Variants in VRK2 observed in about 807,000 individuals in gnomAD.
VRK2 encodes serine/threonine-protein kinase VRK2.
VRK2 carries 60 observed loss-of-function variants against 57.6 expected under a neutral mutation model. The observed-to-expected ratio is 1.04, with a 90% confidence interval of 0.85 to 1.29. The LOEUF (loss-of-function observed/expected upper bound fraction) is 1.29. Among genes scored for constraint, VRK2 ranks in the 50% most tolerant of loss-of-function variants. VRK2 has a pLI of 0.00. For missense variants in VRK2, 705 were observed against 588.1 expected, an observed-to-expected ratio of 1.20 and a Z score of -2.06; for synonymous variants, 231 against 199.2, an observed-to-expected ratio of 1.16 and a Z score of -1.35.
intron 3 of VRK2, among the ~76,000 whole-genome samples, chr2:58,039,158 C>G (rs995042342): frequency 2.0e-5 from 3 of 152,048 alleles, no homozygotes; most frequent in African/African-American, 7.2e-5. Flanking sequence ...TATTATACAA[C>G]CTACATCATC....
chr2:57,925,919 T>C (rs544821561), intron 1 of VRK2, among the ~76,000 whole-genome samples: 2 of 152,112 alleles, frequency 1.3e-5, no homozygotes, highest in African/African-American at 4.8e-5. Flanking sequence ...AATTTTGGTA[T>C]GTTCTGTTTC....
At chr2:58,059,939 G>C (rs1045030044) in intron 2 of VRK2, among the ~76,000 whole-genome samples, 4 of 151,728 alleles carry the variant, frequency 2.6e-5, no homozygotes, top group African/African-American at 9.7e-5. Flanking sequence ...TCAAATTCTG[G>C]AGAATGTAAA....
chr2:58,011,932 A>G (rs943738165), intron 1 of VRK2, among the ~76,000 whole-genome samples: 1 of 152,174 alleles, frequency 6.6e-6, no homozygotes, highest in African/African-American at 2.4e-5. Context: ...TAACTCTAGG[A>G]TAGCATCAGA....
chr2:57,989,692 C>G (rs1399889925), intron 1 of VRK2, among the ~76,000 whole-genome samples: 1 of 152,056 alleles, frequency 6.6e-6, no homozygotes, highest in Non-Finnish European at 1.5e-5. Flanking sequence ...GAAAGATAAG[C>G]TGAGATGTAT....
At position 58,089,655 on chromosome 2, in the gene VRK2, GA is replaced by G; in HGVS notation, c.479del (p.Asn160MetfsTer8). 1 of 1,604,738 alleles carries G rather than the reference GA, an allele frequency of 6.2e-7. No individual in the cohort carries two copies. The highest frequency in any genetic ancestry group is 8.5e-7 in the Non-Finnish European group (1 of 1,174,658). On this transcript the variant is annotated frameshift_variant, in exon 7 of 13. Transcript: ENST00000340157. LOFTEE classifies it high-confidence loss of function. ...RMLDVLEYIH[E>X]NEYVHGDIKA... ...GTTGGATGTACTGGAATATATACAT[GA>G]AAATGAATATGTTCATGGTGATATA...
intron 2 of VRK2, among the ~76,000 whole-genome samples, chr2:58,070,662 T>G (rs1669247221): frequency 2.0e-5 from 3 of 152,210 alleles, no homozygotes; most frequent in African/African-American, 7.2e-5. Flanking sequence ...AGCACATTTC[T>G]TTTTATGGCT....
chr2:58,037,464 A>C (rs1412682027), intron 3 of VRK2, among the ~76,000 whole-genome samples: 2 of 152,104 alleles, frequency 1.3e-5, no homozygotes, highest in Admixed American at 1.3e-4. Flanking sequence ...TGAGGGGTGC[A>C]GAAGTAGGTT....
chr2:57,912,617 G>A (rs1190590221), intron 1 of VRK2, among the ~76,000 whole-genome samples: 2 of 152,158 alleles, frequency 1.3e-5, no homozygotes, highest in African/African-American at 4.8e-5. Flanking sequence ...TTTGTATAAA[G>A]AGTTTCTTAT....
At chr2:58,002,251 C>T (rs534752747) in intron 1 of VRK2, among the ~76,000 whole-genome samples, 5 of 152,232 alleles carry the variant, frequency 3.3e-5, no homozygotes, top group East Asian at 3.9e-4. Flanking sequence ...GAGGCTGTGG[C>T]GGATCACCCG....
intron 1 of VRK2, chr2:58,017,870 G>C (rs976855399): frequency 6.6e-6 from 1 of 152,132 alleles, no homozygotes; most frequent in Non-Finnish European, 1.5e-5. Context: ...CAGATCACAT[G>C]AATTTTCTTA....
intron 2 of VRK2, among the ~76,000 whole-genome samples, chr2:58,029,283 TCTTCTAC>T (rs970481600): frequency 5.9e-5 from 9 of 152,062 alleles, no homozygotes; most frequent in Non-Finnish European, 1.2e-4. Flanking sequence ...TCTCCAATTT[TCTTCTAC>T]CTTCACCATC....
At chr2:58,148,384 G>T (rs1230793296) in intron 12 of VRK2, among the ~76,000 whole-genome samples, 2 of 151,602 alleles carry the variant, frequency 1.3e-5, no homozygotes, top group Non-Finnish European at 3.0e-5. Context: ...TCTTTTTATT[G>T]TTAAGCCACA....
intron 7 of VRK2, among the ~76,000 whole-genome samples, chr2:58,092,884 A>C (rs549409339): frequency 1.6e-4 from 25 of 152,218 alleles, no homozygotes; most frequent in African/African-American, 5.1e-4. Flanking sequence ...TCATTGTTCA[A>C]TTCCCACCTA....
At chr2:58,095,707 G>C (rs562013722) in intron 7 of VRK2, among the ~76,000 whole-genome samples, 1 of 152,026 alleles carries the variant, frequency 6.6e-6, no homozygotes, top group Non-Finnish European at 1.5e-5. Context: ...TATGCAAGTA[G>C]ATACAGTAGT....
chr2:58,146,672 A>C (rs1682189535), intron 12 of VRK2, among the ~76,000 whole-genome samples, 198 bp downstream of exon 12: 1 of 151,998 alleles, frequency 6.6e-6, no homozygotes, highest in African/African-American at 2.4e-5. Context: ...GAATAGCAGT[A>C]AGCACATTTG....
intron 1 of VRK2, among the ~76,000 whole-genome samples, chr2:57,944,525 A>G (rs933368516): frequency 3.3e-5 from 5 of 152,210 alleles, no homozygotes; most frequent in Admixed American, 3.3e-4. Context: ...TCACGACGTC[A>G]GGAGATCAAG....
chr2:57,988,456 G>A (rs986377921), intron 1 of VRK2, among the ~76,000 whole-genome samples: 5 of 152,184 alleles, frequency 3.3e-5, no homozygotes, highest in African/African-American at 1.2e-4. Flanking sequence ...ATTTCTGGGT[G>A]TGTCTGTGAG....
intron 1 of VRK2, among the ~76,000 whole-genome samples, chr2:57,984,035 A>G (rs1053683888): frequency 5.3e-5 from 8 of 152,196 alleles, no homozygotes; most frequent in Non-Finnish European, 1.2e-4. Flanking sequence ...CTAAGCCAGG[A>G]GCTCACAAAC....
intron 1 of VRK2, among the ~76,000 whole-genome samples, chr2:57,949,605 T>C (rs908412265): frequency 2.6e-5 from 4 of 152,206 alleles, no homozygotes; most frequent in Non-Finnish European, 5.9e-5. Context: ...CTTGGACTTC[T>C]CTGTTCCTTG....
Sources: gnomAD v4.1 joint callset for allele counts (sites outside exome capture counted in the v4.1 genomes callset) on GRCh38, gnomAD v4.1.1 for gene constraint, MANE v1.5 for transcripts, NCBI Gene and HGNC (gene_info 2026-07-23, HGNC 2026-07-21) for gene names.